The following HAS3 variants were observed in gnomAD, a reference collection of about 807,000 sequenced individuals.
The protein encoded by HAS3 is HA synthase 3.
HAS3 carries 27 observed loss-of-function variants against 50.3 expected under a neutral mutation model. That is an observed-to-expected ratio of 0.54 (90% CI 0.40 to 0.74). The LOEUF (loss-of-function observed/expected upper bound fraction) is 0.74. Ranked by LOEUF, HAS3 falls within the 30% of genes least tolerant of loss-of-function variation. HAS3 has a pLI of 0.00. For synonymous variants in HAS3, 339 were observed against 310.9 expected (o/e 1.09, Z -0.95); for missense variants, 517 against 742.8 (o/e 0.70, Z 3.53).
chr16:69,098,370 CAA>C, the HAS3 span, among the ~76,000 whole-genome samples: 5 of 133,634 alleles, frequency 3.7e-5, no homozygotes, highest in Non-Finnish European at 1.6e-5. Flanking sequence ...GACTCCGTGT[CAA>C]AAAAAAAAAA....
chr16:69,093,833 A>G, the HAS3 span, among the ~76,000 whole-genome samples: 1 of 152,090 alleles, frequency 6.6e-6, no homozygotes, highest in Non-Finnish European at 1.5e-5. Flanking sequence ...CCCGGCCTAC[A>G]GTGTATCATT....
the HAS3 span, among the ~76,000 whole-genome samples, chr16:69,091,768 G>A: frequency 6.6e-6 from 1 of 152,124 alleles, no homozygotes; most frequent in African/African-American, 2.4e-5. Flanking sequence ...TAGTCATCCG[G>A]GAGAGAAATC....
the HAS3 span, among the ~76,000 whole-genome samples, chr16:69,096,294 G>A: frequency 3.4e-5 from 5 of 148,804 alleles, no homozygotes; most frequent in South Asian, 2.1e-4. Context: ...GCACTTTGGA[G>A]GTGAGGCAGG....
In HAS3 at chr16:69,116,542, G is replaced by A; in HGVS notation, c.*1276G>A. Reference sequence around the variant, plus strand: ...TCTTTGAGACCATCCATTCTCCTCAGTGGCTTCTCCAGGGAATTCTTACAG... The same window carrying A: ...TCTTTGAGACCATCCATTCTCCTCAATGGCTTCTCCAGGGAATTCTTACAG... On this transcript the variant is annotated 3_prime_UTR_variant, in exon 4 of 4. Coordinates refer to ENST00000569188, the MANE Select transcript of HAS3 (RefSeq NM_001199280.2). The A allele has an allele frequency of 1.0e-6, 1 of 985,694 alleles. No homozygotes were observed. The highest frequency in any genetic ancestry group is 5.2e-4 in the Middle Eastern group (1 of 1,914). 61.1% of individuals were successfully genotyped at this position (985,694 alleles called of 1,614,324 possible).
upstream of HAS3, among the ~76,000 whole-genome samples, chr16:69,102,799 AAACT>A (rs2152252491): frequency 6.6e-6 from 1 of 152,290 alleles, no homozygotes; most frequent in Admixed American, 6.5e-5. Flanking sequence ...GGAGTCTAAG[AAACT>A]AACTAGGCAT....
chr16:69,086,352 CAG>C, the HAS3 span, among the ~76,000 whole-genome samples: 2 of 150,596 alleles, frequency 1.3e-5, no homozygotes, highest in African/African-American at 4.9e-5. Flanking sequence ...TTTGTAGAGA[CAG>C]GGTCTTGCTA....
Position 69,113,444 on chromosome 16 carries a change from T to C in HAS3, c.640T>C (p.Cys214Arg). ...LGDSVDYIQV[C>R]DSDTVLDPAC... is the part of the protein sequence containing the mutation. ...TGACGACGCACTCCCTCTGCAGGTG[T>C]GCGACTCTGACACTGTGCTGGATCC... Residue 214 changes from cysteine to arginine, a missense_variant, in exon 3 of 4, where the codon TGC (cysteine) becomes CGC (arginine). By Grantham distance (180) the Cys-to-Arg change is radical. Coordinates refer to ENST00000569188, the MANE Select transcript of HAS3 (RefSeq NM_001199280.2). 6.2e-7 allele frequency: 1 copy of C among 1,611,718 alleles called. No homozygotes were observed. Among genetic ancestry groups the C allele is most frequent in the South Asian group, 1.1e-5 (1 of 91,046 alleles).
chr16:69,092,486 C>G, the HAS3 span, among the ~76,000 whole-genome samples: 2 of 151,726 alleles, frequency 1.3e-5, no homozygotes, highest in African/African-American at 4.8e-5. Context: ...ATCAGTAGCC[C>G]CAGCTACTCG....
Position 69,106,669 on chromosome 16 carries a change from G to C in HAS3, c.-1+882G>C, listed in dbSNP as rs1960808110. ...AGGCTGGCTGGGGTACCCCTCCCCC[G>C]CACCTTCTACGACCTCCCGGGGGTT... On this transcript the variant is annotated intron_variant, in intron 1 of 3. Coordinates refer to ENST00000569188, the MANE Select transcript of HAS3 (RefSeq NM_001199280.2). The surrounding 1 kb of genome is among the most constrained non-coding windows in gnomAD (Gnocchi z 5.5). 2 of 151,788 alleles carry C rather than the reference G, an allele frequency of 1.3e-5. No individual in the cohort carries two copies. The highest frequency in any genetic ancestry group is 1.3e-4 in the Admixed American group (2 of 15,232). 9.4% of individuals were successfully genotyped at this position (151,788 alleles called of 1,614,324 possible). A position where few individuals can be genotyped will look rare whatever the true frequency, so the allele number is the denominator to read the frequency against.
At chr16:69,090,030 A>G in the HAS3 span, among the ~76,000 whole-genome samples, 1 of 152,192 alleles carries the variant, frequency 6.6e-6, no homozygotes, top group African/African-American at 2.4e-5. Flanking sequence ...GGTCGCAGCC[A>G]GGAGCCTGTT....
Position 69,107,355 on chromosome 16 carries a change from C to A in HAS3, c.-1+1568C>A, listed in dbSNP as rs1960836046. ...GAGAGGGCCGGCTACACCGGGGATG[C>A]GCCTTTGTCTACAGGCACACTTTGC... On this transcript the variant is annotated intron_variant, in intron 1 of 3. Coordinates refer to ENST00000569188, the MANE Select transcript of HAS3 (RefSeq NM_001199280.2). The surrounding 1 kb of genome is among the most constrained non-coding windows in gnomAD (Gnocchi z 5.5). 1.3e-5 allele frequency: 13 copies of A among 983,160 alleles called. No homozygotes were observed. The highest frequency in any genetic ancestry group is 1.6e-5 in the Non-Finnish European group (13 of 828,010). The allele number at this position is 983,160 out of a possible 1,614,324, so 60.9% of individuals were successfully genotyped here.
chr16:69,108,998 C>T (rs1350020620), intron 1 of HAS3, among the ~76,000 whole-genome samples: 2 of 152,158 alleles, frequency 1.3e-5, no homozygotes, highest in Non-Finnish European at 2.9e-5. Context: ...AGGCTCACCC[C>T]CTTGAAGCTT....
the HAS3 span, chr16:69,084,418 G>A: frequency 2.6e-5 from 4 of 152,258 alleles, no homozygotes; most frequent in Non-Finnish European, 4.4e-5. Flanking sequence ...AAAGAACCAC[G>A]AGCATCCAGA....
chr16:69,118,220 G>A, downstream of HAS3: 1 of 554,922 alleles, frequency 1.8e-6, no homozygotes. Context: ...GGAGTTGGAT[G>A]AGTAGAGGGG....
chr16:69,101,925 C>T (rs182278433), upstream of HAS3, among the ~76,000 whole-genome samples: 256 of 152,268 alleles, frequency 1.7e-3, no homozygotes, highest in Non-Finnish European at 2.8e-3. Flanking sequence ...GCTGGGATTA[C>T]AGGCGCAAGC....
chr16:69,090,690 C>T, the HAS3 span, among the ~76,000 whole-genome samples: 63 of 152,296 alleles, frequency 4.1e-4, 1 homozygote, highest in East Asian at 4.1e-3. Flanking sequence ...GCCTCAGCCT[C>T]CCGAGTAGCT....
rs150384694 is a variant in HAS3 at position 69,109,850 on chromosome 16, G to A, written c.455G>A (p.Arg152His). The A allele has an allele frequency of 7.1e-5, 114 of 1,613,352 alleles. No individual in the cohort carries two copies. The African/African-American group carries it at 8.7e-4, about 12-fold the overall frequency. The stretch of plus-strand genomic sequence containing the variant: ...GAGCAGGCCGGCTTCTTTGTGTGGC[G>A]CAGCAACTTCCATGAGGCAGGCGAG... ...GTEQAGFFVWRSNFHEAGEGE... is the reference protein window; with the variant it reads ...GTEQAGFFVWHSNFHEAGEGE... The change falls in exon 2 of 4, where the codon CGC becomes CAC. Residue 152 changes from arginine (R) to histidine (H), a missense_variant. By Grantham distance (29) the Arg-to-His change is conservative. Coordinates refer to ENST00000569188, the MANE Select transcript of HAS3 (RefSeq NM_001199280.2). The surrounding 1 kb of genome is among the most constrained non-coding windows in gnomAD (Gnocchi z 5.3).
chr16:69,085,953 ACCT>A, the HAS3 span, among the ~76,000 whole-genome samples: 1 of 148,566 alleles, frequency 6.7e-6, no homozygotes, highest in Non-Finnish European at 1.5e-5. Context: ...TGCAGCCTTG[ACCT>A]CCTGGGCTCA....
chr16:69,101,000 T>C (rs1449538638), upstream of HAS3, among the ~76,000 whole-genome samples: 1 of 152,162 alleles, frequency 6.6e-6, no homozygotes, highest in African/African-American at 2.4e-5. Flanking sequence ...TCGTGGCTTC[T>C]CCTCAGCCTT....
Sources: allele counts gnomAD v4.1 joint callset (sites outside exome capture counted in the v4.1 genomes callset), GRCh38; gene constraint gnomAD v4.1.1; non-coding constraint Gnocchi (gnomAD v3.1); transcripts MANE v1.5; gene names NCBI Gene and HGNC (gene_info 2026-07-23, HGNC 2026-07-21).